FAXDC2: variants seen among roughly 807,000 people sequenced by gnomAD.
The protein encoded by FAXDC2 is fatty acid hydroxylase domain-containing protein 2.
FAXDC2 carries 41 observed loss-of-function variants against 40.9 expected under a neutral mutation model. The observed-to-expected ratio is 1.00, with a 90% CI of 0.78 to 1.30. The LOEUF (loss-of-function observed/expected upper bound fraction) is 1.30, where lower values mean the gene tolerates loss of function less well. Ranked by LOEUF, FAXDC2 falls within the 50% of genes most tolerant of loss-of-function variation. The pLI, the probability that FAXDC2 is intolerant of heterozygous loss-of-function variation, is 0.00. For synonymous variants in FAXDC2, 157 were observed against 149.3 expected, an observed-to-expected ratio of 1.05 and a Z score of -0.38; for missense variants, 390 against 408.8, an observed-to-expected ratio of 0.95 and a Z score of 0.40.
intron 1 of FAXDC2, among the ~76,000 whole-genome samples, chr5:154,841,958 G>A (rs1038034502): frequency 2.0e-5 from 3 of 151,940 alleles, no homozygotes; most frequent in Non-Finnish European, 2.9e-5. Context: ...GACCAGTCTC[G>A]AACTCCTGAT....
Position 154,820,362 on chromosome 5 carries a change from G to C in FAXDC2, c.956C>G (p.Thr319Ser), listed in dbSNP as rs1205829178. 6.2e-6 allele frequency: 10 copies of C among 1,613,396 alleles called. No homozygotes were observed. Among genetic ancestry groups the C allele is most frequent in the Non-Finnish European group, 6.8e-6 (8 of 1,179,836 alleles). ...YERHVLLLGF[T>S]PLSESIPDSP... is the part of the protein sequence containing the mutation. ...GTCTGGGATGCTCTCAGAGAGCGGG[G>C]TGAAGCCCAGCAGGAGGACATGTCT... The change falls in exon 9 of 9, where the codon ACC becomes AGC. Residue 319 changes from threonine to serine, a missense_variant. Thr to Ser is a moderately conservative substitution (Grantham distance 58, BLOSUM62 1). Transcript: ENST00000326080.
intron 5 of FAXDC2, among the ~76,000 whole-genome samples, chr5:154,828,393 A>G (rs1760097727): frequency 6.6e-6 from 1 of 152,078 alleles, no homozygotes; most frequent in Non-Finnish European, 1.5e-5. Context: ...GAGAAGGAAA[A>G]GAAGATACAA....
intron 1 of FAXDC2, among the ~76,000 whole-genome samples, chr5:154,846,300 T>TG (rs1382370692): frequency 3.0e-5 from 4 of 134,070 alleles, no homozygotes; most frequent in African/African-American, 2.9e-5. Flanking sequence ...GTGTGTGTGT[T>TG]AATACCAAAG....
At chr5:154,822,217 C>A in intron 7 of FAXDC2, 1 of 424,876 alleles carries the variant, frequency 2.4e-6, no homozygotes. Flanking sequence ...ATGATCACAC[C>A]ACTGCACTCC....
At chr5:154,832,222 T>G (rs997884185) in intron 4 of FAXDC2, among the ~76,000 whole-genome samples, 2 of 151,624 alleles carry the variant, frequency 1.3e-5, no homozygotes, top group Admixed American at 6.6e-5. Flanking sequence ...TTTTGTTTTT[T>G]TTTTTTTTTG....
At chr5:154,833,346 T>G (rs1760239435) in intron 4 of FAXDC2, among the ~76,000 whole-genome samples, 1 of 146,726 alleles carries the variant, frequency 6.8e-6, no homozygotes, top group Non-Finnish European at 1.5e-5. Context: ...CTATCTTAAT[T>G]TTTGTTTTTT....
intron 1 of FAXDC2, among the ~76,000 whole-genome samples, chr5:154,847,811 T>C (rs112567022): frequency 0.019 from 2,907 of 151,324 alleles, 91 homozygotes; most frequent in African/African-American, 0.067. Context: ...TTCATATTCT[T>C]GTTTCCTGGA....
intron 1 of FAXDC2, among the ~76,000 whole-genome samples, chr5:154,844,692 T>C (rs1327772004): frequency 2.6e-5 from 4 of 152,194 alleles, no homozygotes; most frequent in African/African-American, 9.7e-5. Flanking sequence ...TTTTGACATA[T>C]AGGCTGGGTA....
chr5:154,833,995 G>A (rs945517596), intron 4 of FAXDC2, among the ~76,000 whole-genome samples: 5 of 149,994 alleles, frequency 3.3e-5, no homozygotes, highest in African/African-American at 1.2e-4. Context: ...CTATATCCTC[G>A]ATACAAGTGT....
chr5:154,838,170 T>C lies in FAXDC2; in HGVS notation c.9A>G (p.Gly3=), dbSNP rs1463627435. The change falls in exon 2 of 9, where the codon GGA becomes GGG. Residue 3 remains glycine (G), a synonymous_variant. Transcript: ENST00000326080. MK[G]EAGHMLHNEK... ...CATTGTGTAGCATATGTCCAGCTTC[T>C]CCTTTCATCTGGAATGAGAAAGCAC... is the stretch of plus-strand genomic sequence containing the variant. 6.2e-7 allele frequency: 1 copy of C among 1,613,660 alleles called. No individual in the cohort carries two copies. Among genetic ancestry groups the C allele is most frequent in the East Asian group, 2.2e-5 (1 of 44,848 alleles).
At chr5:154,840,066 A>G (rs1760443137) in intron 1 of FAXDC2, among the ~76,000 whole-genome samples, 1 of 152,224 alleles carries the variant, frequency 6.6e-6, no homozygotes. Flanking sequence ...CCCAGAGTCT[A>G]TAGATGATAA....
At chr5:154,832,216 G>GT (rs1554093847) in intron 4 of FAXDC2, among the ~76,000 whole-genome samples, 13,881 of 134,824 alleles carry the variant, frequency 0.1, 759 homozygotes, top group Admixed American at 0.15. Flanking sequence ...ATTTACTTTT[G>GT]TTTTTTTTTT....
chr5:154,820,987 A>G (rs1473456696), intron 8 of FAXDC2: 2 of 396,388 alleles, frequency 5.0e-6, no homozygotes, highest in Admixed American at 4.6e-5. Flanking sequence ...CAGGAGTTTT[A>G]TGCATATATG....
At chr5:154,840,133 C>T (rs2113161952) in intron 1 of FAXDC2, among the ~76,000 whole-genome samples, 1 of 152,284 alleles carries the variant, frequency 6.6e-6, no homozygotes, top group South Asian at 2.1e-4. Context: ...CCACTTATTT[C>T]CATCTCTATG....
chr5:154,824,556 G>C (rs1338307098), intron 5 of FAXDC2: 1 of 702,598 alleles, frequency 1.4e-6, no homozygotes, highest in Admixed American at 2.0e-5. Flanking sequence ...GGTCTCGCCA[G>C]CCTGTTGTGA....
chr5:154,850,297 A>G (rs1760697862), intron 1 of FAXDC2, among the ~76,000 whole-genome samples, 186 bp downstream of exon 1: 1 of 152,228 alleles, frequency 6.6e-6, no homozygotes, highest in Non-Finnish European at 1.5e-5. Flanking sequence ...CACTACAGCA[A>G]TGTCCTAGGA....
Position 154,824,737 on chromosome 5 carries a change from G to GC in FAXDC2, c.367-1146dup, listed in dbSNP as rs562411096. Reference sequence around the variant, plus strand: ...AAGCATGAGCAAAACAAAGATTCCTGCCCCCATGGAATTTATGTTCCAGTG... The same window carrying GC: ...AAGCATGAGCAAAACAAAGATTCCTGCCCCCCATGGAATTTATGTTCCAGTG... On this transcript the variant is annotated intron_variant, in intron 5 of 8. Coordinates refer to ENST00000326080, the MANE Select transcript of FAXDC2 (RefSeq NM_032385.5). 36 of 574,130 alleles carry GC rather than the reference G, an allele frequency of 6.3e-5. No individual in the cohort carries two copies. The African/African-American group carries it at 6.5e-4, about 10-fold the overall frequency. The allele number at this position is 574,130 out of a possible 1,614,324, so 35.6% of individuals were successfully genotyped here.
At chr5:154,837,212 A>G (rs905277853) in intron 2 of FAXDC2, among the ~76,000 whole-genome samples, 3 of 152,192 alleles carry the variant, frequency 2.0e-5, no homozygotes, top group Middle Eastern at 3.4e-3. Flanking sequence ...TCTCACGTGC[A>G]CACACTCTCT....
At chr5:154,820,922 AC>A in intron 8 of FAXDC2, 1 of 302,974 alleles carries the variant, frequency 3.3e-6, no homozygotes, top group Non-Finnish European at 6.4e-6. Context: ...TTTGTAGACT[AC>A]ACTTGAAAAA....
Sources: allele counts gnomAD v4.1 joint callset (sites outside exome capture counted in the v4.1 genomes callset), GRCh38; gene constraint gnomAD v4.1.1; transcripts MANE v1.5; gene names NCBI Gene and HGNC (gene_info 2026-07-23, HGNC 2026-07-21).